The following TAF3 variants were observed in gnomAD, a reference collection of about 807,000 sequenced individuals.
The protein encoded by TAF3 is transcription initiation factor TFIID subunit 3.
Under a neutral mutation model 80.6 loss-of-function variants are expected in TAF3, and 7 were observed. That is an observed-to-expected ratio of 0.09 (90% confidence interval 0.05 to 0.16). The LOEUF is 0.16. Among genes scored for constraint, TAF3 ranks in the 10% least tolerant of loss-of-function variants. The pLI is 1.00. For missense variants in TAF3, 921 were observed against 1,140.2 expected (o/e 0.81, Z 2.77); for synonymous variants, 444 against 446.1 (o/e 1.00, Z 0.06).
intron 5 of TAF3, 51 bp from the exon 6 acceptor site, chr10:8,013,680 T>A: frequency 3.3e-6 from 5 of 1,513,848 alleles, no homozygotes; most frequent in Non-Finnish European, 4.6e-6. Flanking sequence ...CCTCTTTTTG[T>A]TTTTTTTCCC....
intron 2 of TAF3, among the ~76,000 whole-genome samples, chr10:7,835,312 GC>G (rs1836841180): frequency 1.5e-5 from 2 of 132,814 alleles, no homozygotes; most frequent in African/African-American, 5.4e-5. Flanking sequence ...GCCGCATATG[GC>G]CCATGGGCTG....
Position 7,818,587 on chromosome 10 carries a change from G to T in TAF3, c.-123G>T. On this transcript the variant is annotated 5_prime_UTR_variant, in exon 1 of 7. Coordinates refer to ENST00000344293, the MANE Select transcript of TAF3 (RefSeq NM_031923.4). ...CTGGGGCTTTGAGGTGGTCGCCGGG[G>T]GTCCGGGGGACCCTTTCCCCGCCGC... The T allele has an allele frequency of 8.8e-7, 1 of 1,137,596 alleles. No homozygotes were observed. The allele number at this position is 1,137,596 out of a possible 1,614,324, so 70.5% of individuals were successfully genotyped here.
intron 2 of TAF3, among the ~76,000 whole-genome samples, chr10:7,854,979 A>T (rs1336169502): frequency 6.6e-6 from 1 of 152,244 alleles, no homozygotes; most frequent in South Asian, 2.1e-4. Context: ...TTATGTCACC[A>T]TGCTAAAATT....
intron 4 of TAF3, among the ~76,000 whole-genome samples, chr10:7,988,808 TTTTA>T (rs954058749): frequency 1.7e-4 from 26 of 151,506 alleles, no homozygotes; most frequent in Middle Eastern, 3.4e-3. Context: ...TTGTTTTTTA[TTTTA>T]TTTATTTATT....
chr10:7,929,122 T>A (rs1176071160), intron 2 of TAF3, among the ~76,000 whole-genome samples: 1 of 152,190 alleles, frequency 6.6e-6, no homozygotes, highest in Non-Finnish European at 1.5e-5. Flanking sequence ...CTTAGAAGGA[T>A]TTAATTTCTA....
chr10:7,824,777 C>T (rs1836725124), intron 2 of TAF3, among the ~76,000 whole-genome samples: 2 of 152,212 alleles, frequency 1.3e-5, no homozygotes, highest in Non-Finnish European at 2.9e-5. Flanking sequence ...AAGCATTTAT[C>T]TCCTTTGTAA....
At chr10:7,957,109 C>G (rs1382308179) in intron 2 of TAF3, among the ~76,000 whole-genome samples, 4 of 152,152 alleles carry the variant, frequency 2.6e-5, no homozygotes, top group Non-Finnish European at 5.9e-5. Flanking sequence ...TTTAACCAAA[C>G]TTTAGCACAA....
chr10:7,965,890 AT>A, intron 3 of TAF3, 148 bp downstream of exon 3: 1 of 1,269,388 alleles, frequency 7.9e-7, no homozygotes, highest in Non-Finnish European at 1.0e-6. Context: ...ACAAAATTTG[AT>A]TTTAATTCTA....
chr10:7,880,996 G>A (rs557350807), intron 2 of TAF3, among the ~76,000 whole-genome samples: 1 of 152,282 alleles, frequency 6.6e-6, no homozygotes, highest in East Asian at 1.9e-4. Context: ...AGCACTTTGG[G>A]AGGCTGAAGC....
intron 4 of TAF3, among the ~76,000 whole-genome samples, chr10:8,000,273 C>T (rs952516340): frequency 1.3e-5 from 2 of 151,884 alleles, no homozygotes; most frequent in Non-Finnish European, 2.9e-5. Flanking sequence ...TGCACCACCA[C>T]GCCCAGCTAA....
intron 5 of TAF3, among the ~76,000 whole-genome samples, chr10:8,011,648 G>A (rs1832057175): frequency 6.6e-6 from 1 of 152,156 alleles, no homozygotes; most frequent in African/African-American, 2.4e-5. Context: ...GTCCATTCGG[G>A]GACCAATCAT....
intron 2 of TAF3, among the ~76,000 whole-genome samples, chr10:7,851,230 G>C (rs1317463078): frequency 6.6e-6 from 1 of 152,220 alleles, no homozygotes; most frequent in Non-Finnish European, 1.5e-5. Flanking sequence ...TTCTAGCAAA[G>C]ACTTCAAAGA....
chr10:7,827,487 A>T (rs558299974), intron 2 of TAF3, among the ~76,000 whole-genome samples: 12 of 152,036 alleles, frequency 7.9e-5, no homozygotes, highest in African/African-American at 2.7e-4. Flanking sequence ...TCTCTACTAA[A>T]AATAAAAAAC....
intron 2 of TAF3, among the ~76,000 whole-genome samples, chr10:7,942,900 T>C (rs1467888589): frequency 6.6e-6 from 1 of 152,268 alleles, no homozygotes; most frequent in Non-Finnish European, 1.5e-5. Context: ...CATTTGCAGG[T>C]TGGATTTCAG....
intron 2 of TAF3, among the ~76,000 whole-genome samples, chr10:7,831,181 G>C (rs1221434546): frequency 1.1e-4 from 17 of 152,138 alleles, no homozygotes; most frequent in Admixed American, 1.1e-3. Context: ...TAATGGCATA[G>C]TTTATATAGG....
chr10:7,876,741 A>G (rs2131150594), intron 2 of TAF3, among the ~76,000 whole-genome samples: 1 of 152,326 alleles, frequency 6.6e-6, no homozygotes, highest in Admixed American at 6.5e-5. Context: ...GAGCATAGCC[A>G]AAGTCATTAT....
chr10:7,993,967 T>C (rs1400782600), intron 4 of TAF3, among the ~76,000 whole-genome samples: 8 of 148,616 alleles, frequency 5.4e-5, no homozygotes, highest in African/African-American at 1.8e-4. Context: ...GTGATGAGCA[T>C]AGGGTTTTGG....
chr10:7,994,759 T>G (rs1564379660), intron 4 of TAF3, among the ~76,000 whole-genome samples: 1 of 148,682 alleles, frequency 6.7e-6, no homozygotes, highest in Non-Finnish European at 1.5e-5. Context: ...GGTCAGGAGA[T>G]CGAGACCATC....
At chr10:7,960,572 A>G (rs964100034) in intron 2 of TAF3, among the ~76,000 whole-genome samples, 2 of 152,164 alleles carry the variant, frequency 1.3e-5, no homozygotes, top group African/African-American at 4.8e-5. Context: ...GGGGAATCGC[A>G]TGTGCAGAGG....
Sources: gnomAD v4.1 joint callset for allele counts (sites outside exome capture counted in the v4.1 genomes callset) on GRCh38, gnomAD v4.1.1 for gene constraint, MANE v1.5 for transcripts, NCBI Gene and HGNC (gene_info 2026-07-23, HGNC 2026-07-21) for gene names.